Variants in DST observed in about 807,000 individuals in gnomAD.
DST encodes bullous pemphigoid antigen.
Under a neutral mutation model 875.2 loss-of-function variants are expected in DST, and 253 were observed. That is an observed-to-expected ratio of 0.29 (90% confidence interval 0.26 to 0.32). The LOEUF (loss-of-function observed/expected upper bound fraction) is 0.32. Among genes scored for constraint, DST ranks in the 10% least tolerant of loss-of-function variants. DST has a pLI of 1.00. For synonymous variants in DST, 3,124 were observed against 3,197.1 expected (o/e 0.98, Z 0.77); for missense variants, 8,287 against 9,111.6 (o/e 0.91, Z 3.68).
chr6:56,708,630 C>T (rs1170058460), intron 5 of DST, among the ~76,000 whole-genome samples: 2 of 152,112 alleles, frequency 1.3e-5, no homozygotes, highest in African/African-American at 2.4e-5. Flanking sequence ...GATGCCTAAC[C>T]TTGTGCTAAG....
chr6:56,702,368 T>C (rs1440390014), intron 7 of DST, among the ~76,000 whole-genome samples: 1 of 151,060 alleles, frequency 6.6e-6, no homozygotes, highest in Non-Finnish European at 1.5e-5. Context: ...AGAGGGTTTT[T>C]ATAACTGTAT....
chr6:56,696,475 T>C (rs10498811), intron 9 of DST, among the ~76,000 whole-genome samples: 21,616 of 152,154 alleles, frequency 0.14, 2,102 homozygotes, highest in Non-Finnish European at 0.22. Context: ...AAAACTTCTT[T>C]TGATACTTCT....
Position 56,622,596 on chromosome 6 carries a change from AT to A in DST, c.4929+1933del, listed in dbSNP as rs1216988243. The stretch of plus-strand genomic sequence containing the variant: ...AAAAAAAAAAAAAAAAAAAAAAAAA[AT>A]CATGTTGTCTCTTGACTTTTTTAGC... On this transcript the variant is annotated intron_variant, in intron 36 of 103. Transcript: ENST00000680361. Among the ~76,000 whole-genome samples, 4 of 134,812 alleles carry A rather than the reference AT, an allele frequency of 3.0e-5. No individual in the cohort carries two copies. In the East Asian group the frequency reaches 8.2e-4, roughly 28 times the overall value. The allele number at this position is 134,812 out of a possible 152,430, so 88.4% of individuals were successfully genotyped here. A position where few individuals can be genotyped will look rare whatever the true frequency, so the allele number is the denominator to read the frequency against.
At chr6:56,817,072 A>T (rs1437143493) in intron 4 of DST, among the ~76,000 whole-genome samples, 2 of 149,810 alleles carry the variant, frequency 1.3e-5, no homozygotes, top group African/African-American at 2.5e-5. Flanking sequence ...AAATGGGTGT[A>T]GCTTTAAGCC....
chr6:56,492,459 T>G, intron 84 of DST, 26 bp from the exon 85 acceptor site: 1 of 1,585,596 alleles, frequency 6.3e-7, no homozygotes, highest in Non-Finnish European at 8.6e-7. Context: ...AGGAAATAAG[T>G]AGAAACAAAT....
intron 2 of DST, among the ~76,000 whole-genome samples, chr6:56,918,626 T>C (rs1405877908): frequency 6.6e-6 from 1 of 152,222 alleles, no homozygotes; most frequent in Non-Finnish European, 1.5e-5. Context: ...GTACCAACTT[T>C]GTCTCTAAAA....
chr6:56,729,724 C>A (rs1268956748), intron 5 of DST, among the ~76,000 whole-genome samples: 1 of 151,528 alleles, frequency 6.6e-6, no homozygotes, highest in Non-Finnish European at 1.5e-5. Flanking sequence ...TTTCTGTTCT[C>A]TAAAAGATAC....
At chr6:56,704,209 T>A (rs755175152) in intron 6 of DST, 71 bp downstream of exon 6, 323 of 777,548 alleles carry the variant, frequency 4.2e-4, no homozygotes, top group Non-Finnish European at 5.9e-4. Flanking sequence ...TAGTCTGTAC[T>A]GAAAACATAC....
In DST at chr6:56,614,857, T is replaced by G. The variant is rs973147225; in HGVS notation, c.4930-373A>C. 36 of 993,844 alleles carry G rather than the reference T, an allele frequency of 3.6e-5. No homozygotes were observed. In the African/African-American group the frequency reaches 6.3e-4, roughly 17 times the overall value. The allele number at this position is 993,844 out of a possible 1,614,324, so 61.6% of individuals were successfully genotyped here. A position where few individuals can be genotyped will look rare whatever the true frequency, so the allele number is the denominator to read the frequency against. On this transcript the variant is annotated intron_variant, in intron 36 of 103. Transcript: ENST00000680361. ...ACAAAAAGGTACCATAGAAGGCTGA[T>G]AGAATAGAGAACGTCTACTGTACAT...
intron 86 of DST, among the ~76,000 whole-genome samples, 186 bp from the exon 87 acceptor site, chr6:56,487,459 T>C (rs1365935274): frequency 6.6e-6 from 1 of 152,206 alleles, no homozygotes; most frequent in African/African-American, 2.4e-5. Flanking sequence ...GTAGAAACCA[T>C]ACTTCAGTCA....
chr6:56,914,222 A>G (rs535555265), intron 2 of DST, among the ~76,000 whole-genome samples: 15 of 152,196 alleles, frequency 9.9e-5, no homozygotes, highest in South Asian at 2.1e-4. Context: ...GGAACCAACA[A>G]TGCACCCATA....
intron 49 of DST, among the ~76,000 whole-genome samples, chr6:56,588,991 G>A (rs906140435): frequency 6.6e-6 from 1 of 152,174 alleles, no homozygotes; most frequent in Admixed American, 6.5e-5. Flanking sequence ...CTAGACCACA[G>A]GGACAGTTTA....
Position 56,634,483 on chromosome 6 carries a change from T to C in DST, c.3473A>G (p.Glu1158Gly), listed in dbSNP as rs2098809099. Residue 1158 changes from glutamate (E) to glycine (G), a missense_variant, in exon 26 of 104, where the codon GAA becomes GGA. Coordinates refer to ENST00000680361, the MANE Select transcript of DST (RefSeq NM_001374736.1). The stretch of plus-strand genomic sequence containing the variant: ...AAACCTGTTGGCAAGGTCCACCGCT[T>C]CTTTGTTTGGTGGAGGAACGGTGAA... ...VCFTVPPPNK[E>G]AVDLANRIEQ... 1 of 1,614,068 alleles carries C rather than the reference T, an allele frequency of 6.2e-7. No homozygotes were observed.
chr6:56,528,240 G>A (rs1000793899), intron 67 of DST, among the ~76,000 whole-genome samples: 1 of 152,106 alleles, frequency 6.6e-6, no homozygotes, highest in Non-Finnish European at 1.5e-5. Context: ...AAAGGCTCTT[G>A]ATTCTACATT....
intron 10 of DST, among the ~76,000 whole-genome samples, chr6:56,658,176 C>T (rs1205301957): frequency 1.3e-5 from 2 of 152,136 alleles, no homozygotes; most frequent in Non-Finnish European, 2.9e-5. Context: ...GATCCTCCTG[C>T]CTCAGCCCAG....
intron 23 of DST, 142 bp from the exon 24 acceptor site, chr6:56,635,856 T>C: frequency 1.2e-6 from 1 of 854,508 alleles, no homozygotes; most frequent in Non-Finnish European, 1.9e-6. Context: ...AATAGTCACA[T>C]CTTTCCTTGG....
intron 4 of DST, among the ~76,000 whole-genome samples, chr6:56,841,074 A>C (rs149756924): frequency 6.6e-6 from 1 of 152,222 alleles, no homozygotes; most frequent in Non-Finnish European, 1.5e-5. Context: ...CTGAACGTTT[A>C]GTGAACTGAC....
chr6:56,657,568 A>G (rs1434926859), intron 10 of DST, among the ~76,000 whole-genome samples: 3 of 152,136 alleles, frequency 2.0e-5, no homozygotes, highest in Non-Finnish European at 2.9e-5. Flanking sequence ...GTGGTTGTCA[A>G]CGGGTGGGGG....
At chr6:56,936,643 C>T (rs1813146398) in intron 2 of DST, among the ~76,000 whole-genome samples, 1 of 152,070 alleles carries the variant, frequency 6.6e-6, no homozygotes, top group African/African-American at 2.4e-5. Context: ...TTTTTATCTT[C>T]CTTCCTGGAT....
Sources: allele counts gnomAD v4.1 joint callset (sites outside exome capture counted in the v4.1 genomes callset), GRCh38; gene constraint gnomAD v4.1.1; transcripts MANE v1.5; gene names NCBI Gene and HGNC (gene_info 2026-07-23, HGNC 2026-07-21).